The following AHNAK variants were observed in gnomAD, a reference collection of about 807,000 sequenced individuals.
AHNAK encodes neuroblast differentiation-associated protein AHNAK.
In AHNAK, 23 loss-of-function variants were observed where a neutral mutation model predicts 37.8. The ratio of observed to expected loss-of-function variants is 0.61; its 90% confidence interval spans 0.44 to 0.86. The LOEUF is 0.86. Ranked by LOEUF, AHNAK falls within the 40% of genes least tolerant of loss-of-function variation. The pLI is 0.00. For synonymous variants in AHNAK, 2,481 were observed against 2,636.3 expected, an observed-to-expected ratio of 0.94 and a Z score of 1.80; for missense variants, 7,411 against 7,319.4, an observed-to-expected ratio of 1.01 and a Z score of -0.46.
chr11:62,519,792 T>C lies in AHNAK; in HGVS notation c.14625A>G (p.Glu4875=). ...CTACTTCTGGGCCTTTCAAAGTCCC[T>C]TCAACCTTAGGGACAGACACATCAA... ...GDFDVSVPKV[E]GTLKGPEVDL... The change falls in exon 5 of 5, where the codon GAA becomes GAG. Residue 4875 remains glutamate (E), a synonymous_variant. Coordinates refer to ENST00000378024, the MANE Select transcript of AHNAK (RefSeq NM_001620.3). The C allele has an allele frequency of 1.2e-6, 2 of 1,613,724 alleles. No individual in the cohort carries two copies. Among genetic ancestry groups the C allele is most frequent in the African/African-American group, 2.7e-5 (2 of 74,996 alleles).
intron 4 of AHNAK, among the ~76,000 whole-genome samples, chr11:62,496,452 A>G (rs1166498672): frequency 6.6e-6 from 1 of 152,216 alleles, no homozygotes; most frequent in Non-Finnish European, 1.5e-5. Flanking sequence ...ATGCCTAGAG[A>G]AAATTCTCAG....
chr11:62,437,030 CT>C, intron 5 of AHNAK, among the ~76,000 whole-genome samples: 1 of 152,120 alleles, frequency 6.6e-6, no homozygotes, highest in Non-Finnish European at 1.5e-5. Context: ...ATAGGCATTT[CT>C]ATAACCACCA....
chr11:62,471,903 A>T (rs1452291946), intron 5 of AHNAK, among the ~76,000 whole-genome samples: 1 of 152,098 alleles, frequency 6.6e-6, no homozygotes, highest in Non-Finnish European at 1.5e-5. Flanking sequence ...GAGAGGTGAG[A>T]TGGACAGGGA....
intron 5 of AHNAK, among the ~76,000 whole-genome samples, chr11:62,491,241 T>G (rs1300394725): frequency 6.6e-6 from 1 of 152,182 alleles, no homozygotes; most frequent in Non-Finnish European, 1.5e-5. Flanking sequence ...CACTCACTTC[T>G]TCCCCTCCAG....
At chr11:62,463,301 A>T (rs115940438) in intron 5 of AHNAK, among the ~76,000 whole-genome samples, 10 of 152,094 alleles carry the variant, frequency 6.6e-5, no homozygotes. Context: ...CTCTTTGCAG[A>T]GAGTACACAC....
intron 1 of AHNAK, among the ~76,000 whole-genome samples, chr11:62,539,361 AG>A: frequency 6.6e-6 from 1 of 152,296 alleles, no homozygotes; most frequent in East Asian, 1.9e-4. Context: ...TGCTCACCCC[AG>A]CATCCTGGTG....
Position 62,507,771 on chromosome 11 carries a change from C to T in AHNAK, c.343-15940G>A, listed in dbSNP as rs146459876. On this transcript the variant is annotated intron_variant, in intron 4 of 5. Coordinates refer to the AHNAK transcript ENST00000257247. ...ACTCCAGACTGGGCGACAGAGACTC[C>T]GTCTCAAAAAAATAAAAAACAAAAA... 6.1e-3 allele frequency among the ~76,000 whole-genome samples: 930 copies of T among 151,924 alleles called. 5 individuals are homozygous for T. The highest frequency in any genetic ancestry group is 0.019 in the African/African-American group (766 of 41,312).
chr11:62,526,540 T>C lies in AHNAK; in HGVS notation c.7877A>G (p.Asp2626Gly), dbSNP rs143290064. ...CCAGTCTGGGCCTTGAACACCCACA[T>C]CTGGGGCATTAATATCCACTTTGGG... ...KGPKVDINAP[D>G]VGVQGPDWHL... Residue 2626 changes from aspartate to glycine, a missense_variant, in exon 5 of 5, where the codon GAT becomes GGT. Asp to Gly is a moderately conservative substitution (Grantham distance 94). Transcript: ENST00000378024. 203 of 1,609,892 alleles carry C rather than the reference T, an allele frequency of 1.3e-4. No homozygotes were observed. Among genetic ancestry groups the C allele is most frequent in the Non-Finnish European group, 1.5e-4 (179 of 1,179,102 alleles).
Position 62,518,735 on chromosome 11 carries a change from C to G in AHNAK, c.15682G>C (p.Glu5228Gln), listed in dbSNP as rs1241342326. ...AACTTGGGGAACTTAATTTTTGCTT[C>G]TGGACCTTGCAGATCTACATCTGGT... ...EGPDVDLQGP[E>Q]AKIKFPKFSM... Residue 5228 changes from glutamate to glutamine, a missense_variant, in exon 5 of 5, where the codon GAA becomes CAA. Glu to Gln is a conservative substitution (Grantham distance 29). Transcript: ENST00000378024. 6.2e-7 allele frequency: 1 copy of G among 1,613,912 alleles called. No individual in the cohort carries two copies. Among genetic ancestry groups the G allele is most frequent in the Non-Finnish European group, 8.5e-7 (1 of 1,180,000 alleles).
chr11:62,469,346 T>C (rs568623939), intron 5 of AHNAK, among the ~76,000 whole-genome samples: 1 of 152,292 alleles, frequency 6.6e-6, no homozygotes, highest in African/African-American at 2.4e-5. Context: ...GGTCTTGAAT[T>C]CCTGTCCTCA....
intron 5 of AHNAK, among the ~76,000 whole-genome samples, chr11:62,456,631 G>A (rs1221791055): frequency 6.6e-6 from 1 of 152,022 alleles, no homozygotes; most frequent in Non-Finnish European, 1.5e-5. Flanking sequence ...GCCATTCAAG[G>A]CTGGTCTCCC....
chr11:62,451,410 T>A (rs962452541), intron 5 of AHNAK, among the ~76,000 whole-genome samples: 1 of 144,168 alleles, frequency 6.9e-6, no homozygotes, highest in Non-Finnish European at 1.6e-5. Context: ...GGTTGCTTAA[T>A]AGGATTATCT....
chr11:62,541,008 C>T (rs1431759511), intron 1 of AHNAK, among the ~76,000 whole-genome samples: 7 of 152,230 alleles, frequency 4.6e-5, no homozygotes, highest in East Asian at 1.9e-4. Context: ...AGCCTCCTTC[C>T]TCCACTGCCC....
rs1565199472 is a variant in AHNAK, at chr11:62,454,424, A to AAG, written c.443-20534_443-20533insCT. ...CGAGACTCCATCTCAAAAAAAAAAA[A>AAG]AAAAGAAAAGAAAAGAAAAGAACTA... On this transcript the variant is annotated intron_variant, in intron 5 of 5. Coordinates refer to the AHNAK transcript ENST00000257247. 5.3e-5 allele frequency among the ~76,000 whole-genome samples: 7 copies of AAG among 132,968 alleles called. No individual in the cohort carries two copies. In the South Asian group the frequency reaches 1.1e-3, roughly 21 times the overall value. The allele number at this position is 132,968 out of a possible 152,430, so 87.2% of individuals were successfully genotyped here. A position where few individuals can be genotyped will look rare whatever the true frequency, so the allele number is the denominator to read the frequency against.
chr11:62,513,615 C>A (rs1939953771), downstream of AHNAK, among the ~76,000 whole-genome samples: 2 of 152,194 alleles, frequency 1.3e-5, no homozygotes, highest in Admixed American at 6.5e-5. Context: ...GGGTAAGGTG[C>A]ATGGGCAGGG....
Position 62,522,382 on chromosome 11 carries a change from C to T in AHNAK, c.12035G>A (p.Gly4012Asp), listed in dbSNP as rs764338947. 6.2e-7 allele frequency: 1 copy of T among 1,614,044 alleles called. No homozygotes were observed. The highest frequency in any genetic ancestry group is 2.2e-5 in the East Asian group (1 of 44,886). Residue 4012 changes from glycine (G) to aspartate (D), a missense_variant, in exon 5 of 5, where the codon GGC becomes GAC. Gly to Asp is a moderately conservative substitution (Grantham distance 94). Coordinates refer to ENST00000378024, the MANE Select transcript of AHNAK (RefSeq NM_001620.3). ...ATCCACATCTCCTTTCACCTTAGGG[C>T]CTTTCAGATGCAAATCAAAGTCAGG... is the stretch of plus-strand genomic sequence containing the variant. ...SMPDFDLHLK[G>D]PKVKGDVDVS...
chr11:62,498,847 C>T (rs1043714664), intron 4 of AHNAK, among the ~76,000 whole-genome samples: 1 of 152,118 alleles, frequency 6.6e-6, no homozygotes, highest in Non-Finnish European at 1.5e-5. Flanking sequence ...AAAATTTCCA[C>T]CTGTCCAACA....
At chr11:62,506,341 A>T (rs1446036309) in intron 4 of AHNAK, among the ~76,000 whole-genome samples, 1 of 151,972 alleles carries the variant, frequency 6.6e-6, no homozygotes, top group Admixed American at 6.6e-5. Flanking sequence ...GAGCTGCTGC[A>T]TCCCACCCAG....
chr11:62,526,977 A>C lies in AHNAK; in HGVS notation c.7440T>G (p.Gly2480=). Reference sequence around the variant, plus strand: ...TGTTCATATCTGGTACTTCAAGTTTACCTTCTACCTCAGGCACAGACACAT... The same window carrying C: ...TGTTCATATCTGGTACTTCAAGTTTCCCTTCTACCTCAGGCACAGACACAT... The part of the protein sequence containing the change: ...DVDVSVPEVE[G]KLEVPDMNIR... The change falls in exon 5 of 5, where the codon GGT becomes GGG. Residue 2480 remains glycine, a synonymous_variant. Transcript: ENST00000378024. 6.2e-7 allele frequency: 1 copy of C among 1,613,962 alleles called. No individual in the cohort carries two copies. The highest frequency in any genetic ancestry group is 2.2e-5 in the East Asian group (1 of 44,892).
Sources: allele counts gnomAD v4.1 joint callset (sites outside exome capture counted in the v4.1 genomes callset), GRCh38; gene constraint gnomAD v4.1.1; transcripts MANE v1.5; gene names NCBI Gene and HGNC (gene_info 2026-07-23, HGNC 2026-07-21).